The following C14orf132 variants were observed in gnomAD, a reference collection of about 807,000 sequenced individuals.
C14orf132 encodes the protein chromosome 14 open reading frame 132.
Under a neutral mutation model 5.8 loss-of-function variants are expected in C14orf132, and 6 were observed. That is an observed-to-expected ratio of 1.03 (90% CI 0.57 to 2.04). The LOEUF is 2.04. C14orf132 is among the 30% of genes most tolerant of loss of function. The pLI is 0.00. For synonymous variants in C14orf132, 51 were observed against 49.8 expected (o/e 1.02, Z -0.10); for missense variants, 125 against 115.8 (o/e 1.08, Z -0.37).
intron 1 of C14orf132, among the ~76,000 whole-genome samples, chr14:96,065,458 G>A (rs73343420): frequency 0.023 from 3,547 of 152,120 alleles, 152 homozygotes; most frequent in African/African-American, 0.081. Flanking sequence ...TGGGCTTGCC[G>A]TTGCCCCGGC....
chr14:96,073,793 G>A (rs570720033), intron 1 of C14orf132, among the ~76,000 whole-genome samples: 1 of 152,226 alleles, frequency 6.6e-6, no homozygotes, highest in East Asian at 1.9e-4. Flanking sequence ...CAACCCAAAT[G>A]CCCATCGATG....
intron 1 of C14orf132, among the ~76,000 whole-genome samples, chr14:96,066,737 G>A (rs976434987): frequency 6.6e-6 from 1 of 152,088 alleles, no homozygotes; most frequent in Admixed American, 6.6e-5. Context: ...TGTAATGTGA[G>A]TACACATCTA....
intron 1 of C14orf132, among the ~76,000 whole-genome samples, chr14:96,061,414 T>C (rs1409704163): frequency 6.6e-6 from 1 of 152,172 alleles, no homozygotes; most frequent in Non-Finnish European, 1.5e-5. Flanking sequence ...TTTTAGTTCA[T>C]AGGTTCATTT....
At chr14:96,085,128 C>T (rs1297412004) in intron 1 of C14orf132, among the ~76,000 whole-genome samples, 2 of 152,208 alleles carry the variant, frequency 1.3e-5, no homozygotes, top group African/African-American at 4.8e-5. Context: ...TGCTTATCCA[C>T]CTGTAAAATG....
At chr14:96,084,157 T>C (rs924806764) in intron 1 of C14orf132, among the ~76,000 whole-genome samples, 1 of 152,164 alleles carries the variant, frequency 6.6e-6, no homozygotes, top group Non-Finnish European at 1.5e-5. Context: ...ATCCCATTCG[T>C]GGAGTCCAGG....
At chr14:96,084,634 T>A (rs1308477785) in intron 1 of C14orf132, among the ~76,000 whole-genome samples, 3 of 152,312 alleles carry the variant, frequency 2.0e-5, no homozygotes, top group African/African-American at 7.2e-5. Context: ...TAATAGAATA[T>A]GTTATACATA....
chr14:96,060,485 G>A (rs1887319507), intron 1 of C14orf132, among the ~76,000 whole-genome samples: 1 of 152,198 alleles, frequency 6.6e-6, no homozygotes, highest in Non-Finnish European at 1.5e-5. Context: ...TTCATTGCTT[G>A]AGTGGCTAAA....
intron 1 of C14orf132, among the ~76,000 whole-genome samples, chr14:96,078,767 C>T (rs1173510846): frequency 6.6e-6 from 1 of 152,208 alleles, no homozygotes; most frequent in African/African-American, 2.4e-5. Flanking sequence ...GACCTGCCTG[C>T]CTGTTCACGG....
At chr14:96,071,167 AC>A (rs1887696357) in intron 1 of C14orf132, among the ~76,000 whole-genome samples, 1 of 152,254 alleles carries the variant, frequency 6.6e-6, no homozygotes, top group South Asian at 2.1e-4. Context: ...GGAAGCAAAC[AC>A]GTTTTTCTTC....
chr14:96,041,489 G>T (rs1237882949), intron 1 of C14orf132, among the ~76,000 whole-genome samples: 1 of 152,214 alleles, frequency 6.6e-6, no homozygotes, highest in Admixed American at 6.5e-5. Context: ...ATTTCAGAAT[G>T]ATTTCTCTCT....
At chr14:96,070,187 C>T (rs1566831313) in intron 1 of C14orf132, among the ~76,000 whole-genome samples, 1 of 152,206 alleles carries the variant, frequency 6.6e-6, no homozygotes, top group Non-Finnish European at 1.5e-5. Flanking sequence ...GTGGAGGGCA[C>T]TCAGGTTGTG....
At chr14:96,051,598 A>AG (rs2139649100) in intron 1 of C14orf132, among the ~76,000 whole-genome samples, 1 of 152,244 alleles carries the variant, frequency 6.6e-6, no homozygotes, top group South Asian at 2.1e-4. Context: ...GGGACACCTG[A>AG]GGGGGGCTGA....
rs1160108240 is a variant in C14orf132, at chr14:96,089,572, A to G, written c.*2837A>G. On this transcript the variant is annotated 3_prime_UTR_variant, in exon 2 of 2. Transcript: ENST00000555004. Reference sequence around the variant, plus strand: ...GAGGCTGTTTCTCAAGATGCCCGTCATGGTGTGGCCTGGGCCAGCTCTGGC... The same window carrying G: ...GAGGCTGTTTCTCAAGATGCCCGTCGTGGTGTGGCCTGGGCCAGCTCTGGC... The G allele has an allele frequency of 6.6e-6, 1 of 152,424 alleles. No homozygotes were observed. Among genetic ancestry groups the G allele is most frequent in the Non-Finnish European group, 1.5e-5 (1 of 68,230 alleles). 9.4% of individuals were successfully genotyped at this position (152,424 alleles called of 1,614,324 possible).
chr14:96,083,590 GA>G (rs1237052316), intron 1 of C14orf132, among the ~76,000 whole-genome samples: 1 of 152,202 alleles, frequency 6.6e-6, no homozygotes, highest in Non-Finnish European at 1.5e-5. Flanking sequence ...TACTGGCTTT[GA>G]AGATGGAGGA....
Position 96,049,568 on chromosome 14 carries a change from A to G in C14orf132, c.27+10041A>G, listed in dbSNP as rs1351014131. Among the ~76,000 whole-genome samples the G allele has an allele frequency of 1.7e-3, 194 of 115,570 alleles. 4 individuals carry two copies. The highest frequency in any genetic ancestry group is 4.9e-3 in the African/African-American group (175 of 36,074). The allele number at this position is 115,570 out of a possible 152,430, so 75.8% of individuals were successfully genotyped here. A position where few individuals can be genotyped will look rare whatever the true frequency, so the allele number is the denominator to read the frequency against. On this transcript the variant is annotated intron_variant, in intron 1 of 1. Coordinates refer to ENST00000555004, the MANE Select transcript of C14orf132 (RefSeq NM_001252507.3). ...TATATATATACATATATACGTATAT[A>G]TACATATATACGTATATATATACAT...
At chr14:96,040,896 T>A (rs1258684319) in intron 1 of C14orf132, among the ~76,000 whole-genome samples, 1 of 152,186 alleles carries the variant, frequency 6.6e-6, no homozygotes, top group African/African-American at 2.4e-5. Flanking sequence ...GGAGAAGAAC[T>A]GTGTCTGCCT....
At chr14:96,072,580 C>T (rs923096062) in intron 1 of C14orf132, among the ~76,000 whole-genome samples, 7 of 152,178 alleles carry the variant, frequency 4.6e-5, no homozygotes, top group African/African-American at 1.7e-4. Flanking sequence ...TGCACAGAAC[C>T]CTGTGACCAT....
At position 96,090,747 on chromosome 14, in the gene C14orf132, C is replaced by A. The variant is rs780635633; in HGVS notation, c.*4012C>A. 3 of 455,960 alleles carry A rather than the reference C, an allele frequency of 6.6e-6. No homozygotes were observed. Among genetic ancestry groups the A allele is most frequent in the Non-Finnish European group, 1.3e-5 (3 of 226,796 alleles). The allele number at this position is 455,960 out of a possible 1,614,324, so 28.2% of individuals were successfully genotyped here. ...CATTTCGCTGGAAAGGCAGCAGATG[C>A]TTTTCCAGCCCCGGTTCAGCTGGAA... On this transcript the variant is annotated 3_prime_UTR_variant, in exon 2 of 2. Coordinates refer to ENST00000555004, the MANE Select transcript of C14orf132 (RefSeq NM_001252507.3).
intron 1 of C14orf132, among the ~76,000 whole-genome samples, chr14:96,047,354 G>A (rs1886857168): frequency 6.6e-6 from 1 of 152,188 alleles, no homozygotes; most frequent in African/African-American, 2.4e-5. Context: ...TCTGCAGGTG[G>A]ATGGCCAGTC....
Sources: allele counts gnomAD v4.1 joint callset (sites outside exome capture counted in the v4.1 genomes callset), GRCh38; gene constraint gnomAD v4.1.1; transcripts MANE v1.5; gene names NCBI Gene and HGNC (gene_info 2026-07-23, HGNC 2026-07-21).